The following ME3 variants were observed in gnomAD, a reference collection of about 807,000 sequenced individuals.
ME3 encodes NADP-dependent malic enzyme, mitochondrial.
A neutral mutation model predicts 68.9 loss-of-function variants in ME3; 48 were observed. The observed-to-expected ratio is 0.70, with a 90% CI of 0.55 to 0.89. The LOEUF (loss-of-function observed/expected upper bound fraction) is 0.89. Ranked by LOEUF, ME3 falls within the 40% of genes least tolerant of loss-of-function variation. ME3 has a pLI of 0.00. For synonymous variants in ME3, 320 were observed against 318.8 expected, an observed-to-expected ratio of 1.00 and a Z score of -0.04; for missense variants, 675 against 797.4, an observed-to-expected ratio of 0.85 and a Z score of 1.85.
chr11:86,488,907 TG>T (rs1385402805), intron 6 of ME3, among the ~76,000 whole-genome samples: 2 of 152,010 alleles, frequency 1.3e-5, no homozygotes, highest in African/African-American at 2.4e-5. Flanking sequence ...AAATTCCCTT[TG>T]GGGGGCAGAT....
intron 2 of ME3, among the ~76,000 whole-genome samples, chr11:86,635,694 C>T (rs1944291171): frequency 6.6e-6 from 1 of 152,200 alleles, no homozygotes; most frequent in Admixed American, 6.5e-5. Context: ...GATTCCAGAA[C>T]CATGTTCTTG....
At chr11:86,501,301 A>C (rs972685151) in intron 5 of ME3, among the ~76,000 whole-genome samples, 5 of 152,160 alleles carry the variant, frequency 3.3e-5, no homozygotes, top group African/African-American at 1.2e-4. Flanking sequence ...TGCTCTTATG[A>C]CTGTAATGAT....
intron 2 of ME3, among the ~76,000 whole-genome samples, chr11:86,638,352 A>T (rs1002203127): frequency 6.6e-6 from 1 of 152,248 alleles, no homozygotes; most frequent in African/African-American, 2.4e-5. Flanking sequence ...TTCTGTAATC[A>T]GACCTTTAAA....
intron 2 of ME3, among the ~76,000 whole-genome samples, chr11:86,609,226 G>C (rs144927028): frequency 1.3e-5 from 2 of 152,286 alleles, no homozygotes; most frequent in African/African-American, 4.8e-5. Context: ...CAAGATTAAT[G>C]AGTAGTCCCA....
At chr11:86,451,613 G>A (rs1339585593) in intron 8 of ME3, among the ~76,000 whole-genome samples, 1 of 152,196 alleles carries the variant, frequency 6.6e-6, no homozygotes, top group East Asian at 1.9e-4. Flanking sequence ...CATTCCCTGG[G>A]GGGGACCATC....
chr11:86,450,371 A>G (rs764691244), exon 9 of ME3: 31 of 1,613,884 alleles, frequency 1.9e-5, no homozygotes, highest in Non-Finnish European at 1.8e-5. Context: ...AGCAGCCAAG[A>G]TCCCTGCCAC....
rs1331117007 is a variant in ME3, at chr11:86,531,793, A to C, written c.468-22926T>G. Among the ~76,000 whole-genome samples the C allele has an allele frequency of 2.4e-5, 3 of 126,662 alleles. No individual in the cohort carries two copies. In the East Asian group the frequency reaches 7.6e-4, roughly 32 times the overall value. 83.1% of individuals were successfully genotyped at this position (126,662 alleles called of 152,430 possible). ...TTGAACAATGAGAACACATGGACAC[A>C]GGAAGGGGAACATCACACACCGGGG... On this transcript the variant is annotated intron_variant, in intron 4 of 14. Coordinates refer to ENST00000543262, the Ensembl canonical transcript of ME3.
intron 4 of ME3, among the ~76,000 whole-genome samples, chr11:86,533,811 C>CCA: frequency 6.6e-6 from 1 of 152,094 alleles, no homozygotes; most frequent in Non-Finnish European, 1.5e-5. Context: ...TGTGTGAACA[C>CCA]TGTAAAGTGC....
intron 6 of ME3, among the ~76,000 whole-genome samples, chr11:86,489,892 C>A (rs1188821558): frequency 6.6e-6 from 1 of 152,130 alleles, no homozygotes; most frequent in Non-Finnish European, 1.5e-5. Context: ...AGAGGTAGGT[C>A]TCATCGTTTC....
chr11:86,581,177 T>C (rs932971375), intron 2 of ME3, among the ~76,000 whole-genome samples: 1 of 152,184 alleles, frequency 6.6e-6, no homozygotes, highest in Non-Finnish European at 1.5e-5. Context: ...TTGCCTCACA[T>C]TTAATAAAAG....
rs369179767 is a variant in ME3, at chr11:86,462,295, G to A, written c.919+2796C>T. Among the ~76,000 whole-genome samples the A allele has an allele frequency of 1.4e-3, 206 of 152,292 alleles. 6 individuals carry two copies. The South Asian group carries it at 0.041, about 30-fold the overall frequency. ...AGCCTAGAAATATCAAAAAAATTAA[G>A]AAGTTAGGTATGTCATGCATACATA... On this transcript the variant is annotated intron_variant, in intron 8 of 14. Coordinates refer to ENST00000543262, the Ensembl canonical transcript of ME3.
intron 2 of ME3, among the ~76,000 whole-genome samples, chr11:86,642,459 A>T (rs1441293706): frequency 6.6e-6 from 1 of 152,216 alleles, no homozygotes; most frequent in Non-Finnish European, 1.5e-5. Flanking sequence ...ATAAAATTAT[A>T]ACCAGAGTGT....
chr11:86,454,805 T>G (rs1949825718), intron 8 of ME3, among the ~76,000 whole-genome samples: 1 of 152,212 alleles, frequency 6.6e-6, no homozygotes, highest in African/African-American at 2.4e-5. Flanking sequence ...CAGAAGGAAC[T>G]TACAAAATAC....
In ME3 at chr11:86,498,902, G is replaced by A. The variant is rs145094080; in HGVS notation, c.544-778C>T. On this transcript the variant is annotated intron_variant, in intron 5 of 14. Transcript: ENST00000543262. ...TAAGACACTGTGACAAATTCTGTGG[G>A]AGCTTCAGTTTGCACATCTACAAAA... is the stretch of plus-strand genomic sequence containing the variant. Among the ~76,000 whole-genome samples the A allele has an allele frequency of 9.9e-3, 1,503 of 152,256 alleles. 17 individuals are homozygous for A. Among genetic ancestry groups the A allele is most frequent in the African/African-American group, 0.031 (1,295 of 41,526 alleles).
intron 8 of ME3, among the ~76,000 whole-genome samples, chr11:86,452,862 T>G (rs184625081): frequency 6.6e-6 from 1 of 152,374 alleles, no homozygotes; most frequent in African/African-American, 2.4e-5. Flanking sequence ...ATACAGTGAC[T>G]GTCTTCCAGA....
chr11:86,569,281 G>A (rs1338252612), intron 2 of ME3, among the ~76,000 whole-genome samples: 1 of 152,158 alleles, frequency 6.6e-6, no homozygotes, highest in East Asian at 1.9e-4. Context: ...ATGGGCTCAG[G>A]CACCACGCCG....
Position 86,617,045 on chromosome 11 carries a change from GTTT to G in ME3, c.183+54714_183+54716del, listed in dbSNP as rs563738961. On this transcript the variant is annotated intron_variant, in intron 2 of 14. Coordinates refer to ENST00000543262, the Ensembl canonical transcript of ME3. Reference sequence around the variant, plus strand: ...ACATCTAAAATACTCCAAGATAGTAGTTTTTTTTTTTTTTTTTTTTTTTTTTTT... The same window carrying G: ...ACATCTAAAATACTCCAAGATAGTAGTTTTTTTTTTTTTTTTTTTTTTTTT... Among the ~76,000 whole-genome samples the G allele has an allele frequency of 3.5e-3, 196 of 56,296 alleles. 1 individual carries two copies. The highest frequency in any genetic ancestry group is 0.026 in the Middle Eastern group (1 of 38). 36.9% of individuals were successfully genotyped at this position (56,296 alleles called of 152,430 possible).
At chr11:86,520,743 G>C (rs1395436017) in intron 4 of ME3, among the ~76,000 whole-genome samples, 1 of 152,218 alleles carries the variant, frequency 6.6e-6, no homozygotes, top group Non-Finnish European at 1.5e-5. Flanking sequence ...TGCAAACATA[G>C]TGTTTACTTC....
chr11:86,585,739 G>T (rs762431750), intron 2 of ME3, among the ~76,000 whole-genome samples: 10 of 152,174 alleles, frequency 6.6e-5, no homozygotes, highest in Non-Finnish European at 1.3e-4. Context: ...TAATGGGGTT[G>T]TATGTATTAC....
Sources: gnomAD v4.1 joint callset for allele counts (sites outside exome capture counted in the v4.1 genomes callset) on GRCh38, gnomAD v4.1.1 for gene constraint, MANE v1.5 for transcripts, NCBI Gene and HGNC (gene_info 2026-07-23, HGNC 2026-07-21) for gene names.